Variants in SMYD3 observed in about 807,000 individuals in gnomAD.
SMYD3 encodes the protein SET and MYND domain containing 3, also known as histone-lysine N-methyltransferase SMYD3.
In SMYD3, 36 loss-of-function variants were observed where a neutral mutation model predicts 57.7. The observed-to-expected ratio is 0.62, with a 90% CI of 0.48 to 0.82. The LOEUF is 0.82. SMYD3 is among the 40% of genes least tolerant of loss of function. The probability of loss-of-function intolerance (pLI) is 0.00; values close to 1 mark genes in which losing one functional copy is unlikely to be tolerated. For missense variants in SMYD3, 515 were observed against 538.8 expected, an observed-to-expected ratio of 0.96 and a Z score of 0.44; for synonymous variants, 211 against 195.0, an observed-to-expected ratio of 1.08 and a Z score of -0.68.
intron 5 of SMYD3, among the ~76,000 whole-genome samples, chr1:246,297,535 T>C (rs2064819145): frequency 6.6e-6 from 1 of 152,152 alleles, no homozygotes; most frequent in Non-Finnish European, 1.5e-5. Flanking sequence ...TGATTCAGGC[T>C]TACATCATAA....
At chr1:246,097,858 T>A (rs2060942885) in intron 5 of SMYD3, among the ~76,000 whole-genome samples, 1 of 152,190 alleles carries the variant, frequency 6.6e-6, no homozygotes, top group Admixed American at 6.5e-5. Flanking sequence ...TCTTTGAGAA[T>A]TTATTTCCTT....
intron 1 of SMYD3, among the ~76,000 whole-genome samples, chr1:246,390,888 C>A (rs908483659): frequency 7.9e-5 from 12 of 151,962 alleles, no homozygotes; most frequent in African/African-American, 2.4e-4. Flanking sequence ...TTAAAAAAAT[C>A]AACAGATGAA....
intron 10 of SMYD3, among the ~76,000 whole-genome samples, chr1:245,806,761 T>C (rs1018537063): frequency 1.3e-5 from 2 of 148,838 alleles, no homozygotes; most frequent in African/African-American, 5.0e-5. Flanking sequence ...ATACAAAAAA[T>C]TAGCCGGGCG....
At chr1:246,493,212 G>A (rs576504187) in intron 1 of SMYD3, among the ~76,000 whole-genome samples, 3 of 144,134 alleles carry the variant, frequency 2.1e-5, no homozygotes, top group Non-Finnish European at 3.1e-5. Flanking sequence ...TAGCTACTGG[G>A]GGGGAGGAGA....
intron 5 of SMYD3, among the ~76,000 whole-genome samples, chr1:245,943,042 C>G (rs1462904454): frequency 1.3e-5 from 2 of 151,946 alleles, no homozygotes; most frequent in Middle Eastern, 3.4e-3. Flanking sequence ...AGAAAGACCT[C>G]AAATCGACAT....
chr1:246,014,129 C>T (rs1347825798), intron 5 of SMYD3, among the ~76,000 whole-genome samples: 2 of 152,168 alleles, frequency 1.3e-5, no homozygotes, highest in African/African-American at 4.8e-5. Context: ...TCGAGACCAG[C>T]CTGGCCAACA....
chr1:245,888,478 C>G (rs566848778), intron 8 of SMYD3, among the ~76,000 whole-genome samples: 1 of 152,240 alleles, frequency 6.6e-6, no homozygotes, highest in South Asian at 2.1e-4. Flanking sequence ...GGGCAGTACC[C>G]ACAGTGCTTT....
intron 5 of SMYD3, among the ~76,000 whole-genome samples, chr1:245,973,170 C>A (rs1572821529): frequency 1.3e-5 from 2 of 152,148 alleles, no homozygotes; most frequent in South Asian, 2.1e-4. Context: ...AAAACAAAAT[C>A]AAAACTTTCA....
chr1:246,256,990 G>C (rs2063906618), intron 5 of SMYD3, among the ~76,000 whole-genome samples: 1 of 152,114 alleles, frequency 6.6e-6, no homozygotes, highest in Non-Finnish European at 1.5e-5. Flanking sequence ...TTAAGGTACT[G>C]ATTTCTATTT....
intron 5 of SMYD3, among the ~76,000 whole-genome samples, chr1:246,151,456 G>A (rs1248977519): frequency 6.6e-6 from 1 of 151,990 alleles, no homozygotes; most frequent in Non-Finnish European, 1.5e-5. Context: ...AATGAACCAA[G>A]TAACTTTAAT....
At chr1:245,754,899 C>T (rs2791369) in intron 11 of SMYD3, among the ~76,000 whole-genome samples, 9,525 of 152,222 alleles carry the variant, frequency 0.063, 975 homozygotes, top group African/African-American at 0.22. Flanking sequence ...ATGCAAAGTG[C>T]TGGGGCGCCC....
At chr1:245,884,683 T>A (rs1273371845) in intron 8 of SMYD3, among the ~76,000 whole-genome samples, 1 of 151,912 alleles carries the variant, frequency 6.6e-6, no homozygotes, top group Non-Finnish European at 1.5e-5. Context: ...CTGGGTTGAG[T>A]GGGGACTTGG....
intron 1 of SMYD3, among the ~76,000 whole-genome samples, chr1:246,441,082 A>G (rs1010846770): frequency 6.6e-6 from 1 of 152,134 alleles, no homozygotes; most frequent in Admixed American, 6.5e-5. Context: ...GTGCGTCCCC[A>G]CTTACCCTGC....
chr1:246,451,061 T>C (rs2067626304), intron 1 of SMYD3, among the ~76,000 whole-genome samples: 1 of 152,184 alleles, frequency 6.6e-6, no homozygotes, highest in Non-Finnish European at 1.5e-5. Flanking sequence ...ATTCAGCAGG[T>C]GCCTGCCGGT....
chr1:245,872,838 C>T (rs1234800458), intron 8 of SMYD3, among the ~76,000 whole-genome samples: 2 of 152,210 alleles, frequency 1.3e-5, no homozygotes, highest in African/African-American at 2.4e-5. Flanking sequence ...GGGATATTCC[C>T]TTCATAGCTT....
chr1:245,787,173 G>A (rs1452928068), intron 10 of SMYD3, among the ~76,000 whole-genome samples: 1 of 148,770 alleles, frequency 6.7e-6, no homozygotes, highest in East Asian at 1.9e-4. Flanking sequence ...GGATATTTCA[G>A]TATTTTTTTA....
chr1:245,996,093 T>C (rs2148131055), intron 5 of SMYD3, among the ~76,000 whole-genome samples: 1 of 152,362 alleles, frequency 6.6e-6, no homozygotes, highest in Admixed American at 6.5e-5. Context: ...TAACAACGAA[T>C]GCCCAATGGA....
intron 5 of SMYD3, among the ~76,000 whole-genome samples, chr1:246,080,653 T>C (rs527637434): frequency 6.6e-6 from 1 of 152,350 alleles, no homozygotes; most frequent in South Asian, 2.1e-4. Context: ...CCAAGGACTC[T>C]TCTTTTACCA....
chr1:246,238,650 T>G (rs930485986), intron 5 of SMYD3, among the ~76,000 whole-genome samples: 1 of 152,196 alleles, frequency 6.6e-6, no homozygotes, highest in Non-Finnish European at 1.5e-5. Context: ...TTCGTTTTTT[T>G]GCTTTTCTTT....
Sources: allele counts gnomAD v4.1 joint callset (sites outside exome capture counted in the v4.1 genomes callset), GRCh38; gene constraint gnomAD v4.1.1; transcripts MANE v1.5; gene names NCBI Gene and HGNC (gene_info 2026-07-23, HGNC 2026-07-21).